The following AK8 variants were observed in gnomAD, a reference collection of about 807,000 sequenced individuals.
AK8 encodes the protein ATP-AMP transphosphorylase 8.
AK8 carries 44 observed loss-of-function variants against 54.6 expected under a neutral mutation model. The observed-to-expected ratio is 0.81, with a 90% confidence interval of 0.63 to 1.04. The LOEUF is 1.04. AK8 is among the 50% of genes least tolerant of loss of function. The probability of loss-of-function intolerance (pLI) is 0.00; values close to 1 mark genes in which losing one functional copy is unlikely to be tolerated. For synonymous variants in AK8, 239 were observed against 245.6 expected, an observed-to-expected ratio of 0.97 and a Z score of 0.25; for missense variants, 555 against 613.6, an observed-to-expected ratio of 0.90 and a Z score of 1.01.
rs1391331626 is a variant in AK8, at chr9:132,816,362, A to AAG, written c.890-1636_890-1635insCT. Among the ~76,000 whole-genome samples the AAG allele has an allele frequency of 2.0e-5, 3 of 152,038 alleles. No homozygotes were observed. The East Asian group carries it at 5.8e-4, about 29-fold the overall frequency. The stretch of plus-strand genomic sequence containing the variant: ...AGAGGGAGACTTTGTCTCAAAAAAA[A>AAG]AAAAAGAAAAAGAAAGAAAAGAAAA... On this transcript the variant is annotated intron_variant, in intron 9 of 12. Coordinates refer to ENST00000298545, the MANE Select transcript of AK8 (RefSeq NM_152572.3).
intron 3 of AK8, among the ~76,000 whole-genome samples, chr9:132,866,090 C>A (rs1043279909): frequency 6.6e-6 from 1 of 151,816 alleles, no homozygotes; most frequent in Non-Finnish European, 1.5e-5. Context: ...CCCAGCTACT[C>A]GGGAGGCTGA....
rs138544381 is a variant in AK8 at position 132,786,085 on chromosome 9, A to G, written c.1121+6549T>C. ...AGGCAACGAGCTGAGGCGGCCTCAG[A>G]AAGCCAAATCCTAAATCAGTAGTAG... On this transcript the variant is annotated intron_variant, in intron 11 of 12. Transcript: ENST00000298545. 4.7e-3 allele frequency among the ~76,000 whole-genome samples: 719 copies of G among 152,356 alleles called. 5 individuals carry two copies. The highest frequency in any genetic ancestry group is 0.017 in the African/African-American group (690 of 41,580).
At chr9:132,806,490 G>A (rs1328966514) in intron 10 of AK8, among the ~76,000 whole-genome samples, 1 of 151,912 alleles carries the variant, frequency 6.6e-6, no homozygotes, top group Non-Finnish European at 1.5e-5. Context: ...GCTGGAAACG[G>A]GCAGAGGGTC....
intron 5 of AK8, among the ~76,000 whole-genome samples, chr9:132,850,646 C>T (rs1457032975): frequency 6.6e-6 from 1 of 152,148 alleles, no homozygotes; most frequent in Non-Finnish European, 1.5e-5. Context: ...GATCCGCCCG[C>T]CTCGCCTTCC....
At position 132,799,834 on chromosome 9, in the gene AK8, T is replaced by C. The variant is rs1474254626; in HGVS notation, c.980-7059A>G. On this transcript the variant is annotated intron_variant, in intron 10 of 12. Coordinates refer to ENST00000298545, the MANE Select transcript of AK8 (RefSeq NM_152572.3). This position sits in a 1 kb window ranked among gnomAD's most constrained non-coding sequence, Gnocchi z 5.0. Reference sequence around the variant, plus strand: ...TTCCTTCTTCAAGCCCTCCTTGAAATTGATGTCAAGATGAGCATCAGTGTT... The same window carrying C: ...TTCCTTCTTCAAGCCCTCCTTGAAACTGATGTCAAGATGAGCATCAGTGTT... Among the ~76,000 whole-genome samples, 3 of 152,128 alleles carry C rather than the reference T, an allele frequency of 2.0e-5. No individual in the cohort carries two copies. Among genetic ancestry groups the C allele is most frequent in the Non-Finnish European group, 2.9e-5 (2 of 68,024 alleles).
In AK8 at chr9:132,828,704, G is replaced by C. The variant is rs1588181060; in HGVS notation, c.425C>G (p.Pro142Arg). 6.2e-7 allele frequency: 1 copy of C among 1,612,184 alleles called. No homozygotes were observed. Among genetic ancestry groups the C allele is most frequent in the East Asian group, 2.2e-5 (1 of 44,804 alleles). ...IKQGWILDGI[P>R]ETREQALRIQ... ...CCTCAGAGCCTGCTCACGCGTCTCA[G>C]GGATGCCATCCAGAATCCAGCCCTA... is the stretch of plus-strand genomic sequence containing the variant. The change falls in exon 6 of 13, where the codon CCT becomes CGT. Residue 142 changes from proline to arginine, a missense_variant. Transcript: ENST00000298545.
At chr9:132,729,140 C>A (rs919725245) in intron 11 of AK8, among the ~76,000 whole-genome samples, 1 of 152,182 alleles carries the variant, frequency 6.6e-6, no homozygotes, top group Non-Finnish European at 1.5e-5. Flanking sequence ...CCCCTTCAGC[C>A]TCTCAAAGCG....
At chr9:132,813,542 T>A (rs1432073695) in intron 10 of AK8, among the ~76,000 whole-genome samples, 3 of 152,148 alleles carry the variant, frequency 2.0e-5, no homozygotes, top group African/African-American at 4.8e-5. Context: ...ACAGACTTGA[T>A]AAGTGGGTGT....
In AK8 at chr9:132,799,261, A is replaced by G. The variant is rs1840329194; in HGVS notation, c.980-6486T>C. Among the ~76,000 whole-genome samples the G allele has an allele frequency of 6.6e-6, 1 of 152,168 alleles. No individual in the cohort carries two copies. Among genetic ancestry groups the G allele is most frequent in the African/African-American group, 2.4e-5 (1 of 41,446 alleles). On this transcript the variant is annotated intron_variant, in intron 10 of 12. Transcript: ENST00000298545. This position sits in a 1 kb window ranked among gnomAD's most constrained non-coding sequence, Gnocchi z 5.0. Reference sequence around the variant, plus strand: ...TGTTGAGGGAGAAGATATGAGGGACACTAAGGTTTCTGGGGCTGGCATATA... The same window carrying G: ...TGTTGAGGGAGAAGATATGAGGGACGCTAAGGTTTCTGGGGCTGGCATATA...
chr9:132,751,726 C>T (rs1039829321), intron 11 of AK8, among the ~76,000 whole-genome samples: 1 of 151,860 alleles, frequency 6.6e-6, no homozygotes, highest in African/African-American at 2.4e-5. Context: ...CAGCCACTGA[C>T]GGTGAGGCTG....
chr9:132,804,060 C>T (rs1253012742), intron 10 of AK8, among the ~76,000 whole-genome samples: 3 of 147,248 alleles, frequency 2.0e-5, no homozygotes, highest in African/African-American at 5.1e-5. Flanking sequence ...GAGCCGAGAT[C>T]GCGCCACTGC....
intron 11 of AK8, among the ~76,000 whole-genome samples, chr9:132,745,434 G>A (rs1042236918): frequency 2.0e-5 from 3 of 152,094 alleles, no homozygotes; most frequent in African/African-American, 7.2e-5. Flanking sequence ...TCCGTGTCGC[G>A]GCTGTAATGT....
At position 132,792,859 on chromosome 9, in the gene AK8, T is replaced by G. The variant is rs573217384; in HGVS notation, c.980-84A>C. The G allele has an allele frequency of 6.4e-5, 93 of 1,463,244 alleles. No individual in the cohort carries two copies. In the South Asian group the frequency reaches 1.3e-3, roughly 21 times the overall value. The allele number at this position is 1,463,244 out of a possible 1,614,324, so 90.6% of individuals were successfully genotyped here. A position where few individuals can be genotyped will look rare whatever the true frequency, so the allele number is the denominator to read the frequency against. On this transcript the variant is annotated intron_variant, in intron 10 of 12. Coordinates refer to ENST00000298545, the MANE Select transcript of AK8 (RefSeq NM_152572.3). ...TTCCTAACTTTACTTGGCCATAGAT[T>G]GAGCTGCTGAAGAAGTGGGTCTAGG...
At chr9:132,848,559 C>T (rs992136251) in intron 5 of AK8, among the ~76,000 whole-genome samples, 1 of 152,184 alleles carries the variant, frequency 6.6e-6, no homozygotes, top group African/African-American at 2.4e-5. Flanking sequence ...ACTCCAGTCC[C>T]CTTCACTAGA....
intron 10 of AK8, among the ~76,000 whole-genome samples, chr9:132,805,900 A>G (rs1362450248): frequency 6.6e-6 from 1 of 152,128 alleles, no homozygotes; most frequent in East Asian, 1.9e-4. Context: ...CTTCAAAAGC[A>G]TTGTCAGACC....
chr9:132,833,720 T>C (rs1341844404), intron 5 of AK8, among the ~76,000 whole-genome samples: 1 of 151,968 alleles, frequency 6.6e-6, no homozygotes, highest in Non-Finnish European at 1.5e-5. Flanking sequence ...ATGTCACAGA[T>C]GAAAAAAAAG....
chr9:132,856,100 C>T (rs907640927), intron 4 of AK8, among the ~76,000 whole-genome samples: 15 of 152,356 alleles, frequency 9.8e-5, no homozygotes, highest in African/African-American at 3.4e-4. Context: ...AGGGGAGTCG[C>T]TGAGGCCTGG....
intron 5 of AK8, among the ~76,000 whole-genome samples, chr9:132,846,302 C>A (rs1158749610): frequency 2.6e-5 from 4 of 152,240 alleles, no homozygotes; most frequent in African/African-American, 9.6e-5. Context: ...CCACAGATGC[C>A]TTGGCCCCAT....
At chr9:132,740,994 A>G (rs1329891057) in intron 11 of AK8, among the ~76,000 whole-genome samples, 44 of 152,120 alleles carry the variant, frequency 2.9e-4, no homozygotes, top group Non-Finnish European at 8.8e-5. Flanking sequence ...GACCCTCGCT[A>G]TCATCTGCCT....
Sources: gnomAD v4.1 joint callset for allele counts (sites outside exome capture counted in the v4.1 genomes callset) on GRCh38, gnomAD v4.1.1 for gene constraint, Gnocchi (gnomAD v3.1) non-coding constraint, MANE v1.5 for transcripts, NCBI Gene and HGNC (gene_info 2026-07-23, HGNC 2026-07-21) for gene names.